Variants in SPMIP7 observed in about 807,000 individuals in gnomAD.
SPMIP7 encodes sperm microtubule inner protein 7, also known as protein SPMIP7.
the SPMIP7 span, among the ~76,000 whole-genome samples, chr7:50,120,050 G>T: frequency 1.3e-5 from 2 of 152,158 alleles, no homozygotes; most frequent in Non-Finnish European, 2.9e-5. Flanking sequence ...GACACATTGG[G>T]TCTGAGGAGA....
At chr7:50,099,271 C>T in the SPMIP7 span, among the ~76,000 whole-genome samples, 16 of 152,078 alleles carry the variant, frequency 1.1e-4, no homozygotes, top group African/African-American at 3.4e-4. Flanking sequence ...ATTAAAAGTG[C>T]GGTACTAAAA....
chr7:50,110,959 A>C, the SPMIP7 span, among the ~76,000 whole-genome samples: 92 of 141,826 alleles, frequency 6.5e-4, 1 homozygote, highest in South Asian at 0.019. Flanking sequence ...ATATATTTAT[A>C]ATATGTAAAC....
At chr7:50,122,277 C>T in the SPMIP7 span, among the ~76,000 whole-genome samples, 1 of 151,628 alleles carries the variant, frequency 6.6e-6, no homozygotes, top group African/African-American at 2.4e-5. Flanking sequence ...CTACAACTAT[C>T]TGATCTTTGA....
At chr7:50,143,732 A>T in the SPMIP7 span, among the ~76,000 whole-genome samples, 1 of 152,218 alleles carries the variant, frequency 6.6e-6, no homozygotes, top group Non-Finnish European at 1.5e-5. Context: ...AATATTAATA[A>T]CAATGACAAT....
At chr7:50,134,406 G>A in the SPMIP7 span, among the ~76,000 whole-genome samples, 1 of 151,114 alleles carries the variant, frequency 6.6e-6, no homozygotes, top group Non-Finnish European at 1.5e-5. Flanking sequence ...ACACACACAC[G>A]TATGGAGTTG....
the SPMIP7 span, among the ~76,000 whole-genome samples, chr7:50,125,574 A>G: frequency 7.3e-6 from 1 of 137,314 alleles, no homozygotes; most frequent in Non-Finnish European, 1.5e-5. Flanking sequence ...ATGAATGGAT[A>G]AAGAAAATAT....
the SPMIP7 span, among the ~76,000 whole-genome samples, chr7:50,118,978 G>T: frequency 6.6e-6 from 1 of 152,086 alleles, no homozygotes; most frequent in Non-Finnish European, 1.5e-5. Flanking sequence ...ACTAAATACT[G>T]CAGGCTTTAA....
At chr7:50,105,894 C>A in the SPMIP7 span, among the ~76,000 whole-genome samples, 2 of 152,080 alleles carry the variant, frequency 1.3e-5, no homozygotes, top group Admixed American at 1.3e-4. Context: ...CAAAGTGAAC[C>A]TTATAAGAAA....
the SPMIP7 span, among the ~76,000 whole-genome samples, chr7:50,115,022 T>C: frequency 7.1e-6 from 1 of 141,362 alleles, no homozygotes; most frequent in Non-Finnish European, 1.6e-5. Context: ...AGAGTGAGAT[T>C]CTGTCTCCAA....
At chr7:50,099,812 G>A in the SPMIP7 span, among the ~76,000 whole-genome samples, 1 of 152,124 alleles carries the variant, frequency 6.6e-6, no homozygotes, top group East Asian at 1.9e-4. Flanking sequence ...TCAACTCTTG[G>A]ATCTATGGCG....
the SPMIP7 span, among the ~76,000 whole-genome samples, chr7:50,122,228 T>C: frequency 2.0e-5 from 3 of 152,124 alleles, no homozygotes; most frequent in African/African-American, 7.2e-5. Flanking sequence ...AAGCATGTGA[T>C]AAACTAATAT....
At chr7:50,120,956 T>C in the SPMIP7 span, among the ~76,000 whole-genome samples, 10 of 152,186 alleles carry the variant, frequency 6.6e-5, no homozygotes, top group Non-Finnish European at 1.5e-4. Context: ...TTCGCAGAGA[T>C]TCCTGTTGCA....
the SPMIP7 span, among the ~76,000 whole-genome samples, chr7:50,154,193 A>G: frequency 1.3e-5 from 2 of 152,210 alleles, no homozygotes; most frequent in African/African-American, 2.4e-5. Context: ...TATAGTGAAC[A>G]CATTAATATC....
At chr7:50,134,004 C>G in the SPMIP7 span, 50 of 1,030,648 alleles carry the variant, frequency 4.9e-5, no homozygotes, top group Non-Finnish European at 6.8e-5. Flanking sequence ...GGGCAGGGAT[C>G]CTCAGGGTCA....
At chr7:50,156,848 C>T in the SPMIP7 span, among the ~76,000 whole-genome samples, 1 of 152,118 alleles carries the variant, frequency 6.6e-6, no homozygotes. Flanking sequence ...TGTGGCTTCC[C>T]TGTGAGCTGC....
the SPMIP7 span, among the ~76,000 whole-genome samples, chr7:50,133,501 G>A: frequency 3.5e-4 from 53 of 152,072 alleles, no homozygotes; most frequent in Non-Finnish European, 4.4e-5. Context: ...GCATTTTTTT[G>A]GAAACTGTAA....
chr7:50,101,704 T>G, the SPMIP7 span, among the ~76,000 whole-genome samples: 1 of 152,208 alleles, frequency 6.6e-6, no homozygotes, highest in African/African-American at 2.4e-5. Flanking sequence ...GTTGTTTGAA[T>G]GGCTCCAAAT....
chr7:50,134,381 TATATACACACAC>T, the SPMIP7 span: 1 of 560,106 alleles, frequency 1.8e-6, no homozygotes, highest in Non-Finnish European at 2.8e-6. Context: ...TAAGTAAATA[TATATACACACAC>T]ACACACACAC....
At chr7:50,109,077 G>A in the SPMIP7 span, among the ~76,000 whole-genome samples, 11 of 152,106 alleles carry the variant, frequency 7.2e-5, no homozygotes, top group African/African-American at 2.7e-4. Flanking sequence ...AGTTGCTTTA[G>A]TATTGCACTA....
Sources: gnomAD v4.1 joint callset for allele counts (sites outside exome capture counted in the v4.1 genomes callset) on GRCh38, gnomAD v4.1.1 for gene constraint, MANE v1.5 for transcripts, NCBI Gene and HGNC (gene_info 2026-07-23, HGNC 2026-07-21) for gene names.